The following PRKN variants were observed in gnomAD, a reference collection of about 807,000 sequenced individuals.
PRKN encodes parkin RBR E3 ubiquitin protein ligase, also known as E3 ubiquitin-protein ligase parkin.
PRKN carries 56 observed loss-of-function variants against 59.5 expected under a neutral mutation model. That is an observed-to-expected ratio of 0.94 (90% CI 0.76 to 1.18). PRKN has a LOEUF of 1.18. PRKN is among the 50% of genes most tolerant of loss of function. PRKN has a pLI of 0.00. For synonymous variants in PRKN, 250 were observed against 222.1 expected (o/e 1.13, Z -1.12); for missense variants, 657 against 596.4 (o/e 1.10, Z -1.06).
Position 161,483,714 on chromosome 6 carries a change from G to C in PRKN, c.1083+65140C>G, listed in dbSNP as rs186503898. Reference sequence around the variant, plus strand: ...CTTCTACTTATTTCTTAAGGCATGGGAGTGGCATAGTGAGATCCTGGCAGG... The same window carrying C: ...CTTCTACTTATTTCTTAAGGCATGGCAGTGGCATAGTGAGATCCTGGCAGG... On this transcript the variant is annotated intron_variant, in intron 9 of 11. Coordinates refer to ENST00000366898, the MANE Select transcript of PRKN (RefSeq NM_004562.3). The surrounding 1 kb of genome is among the most constrained non-coding windows in gnomAD (Gnocchi z 5.0). Among the ~76,000 whole-genome samples the C allele has an allele frequency of 2.6e-5, 4 of 152,294 alleles. No individual in the cohort carries two copies. The East Asian group carries it at 5.8e-4, about 22-fold the overall frequency.
intron 7 of PRKN, among the ~76,000 whole-genome samples, chr6:161,766,156 TA>T (rs990369261): frequency 2.0e-5 from 3 of 152,174 alleles, no homozygotes; most frequent in African/African-American, 7.2e-5. Context: ...CAAAAATATA[TA>T]GTATTAAGAA....
chr6:161,442,776 G>T lies in PRKN; in HGVS notation c.1084-55899C>A, dbSNP rs1004974990. Among the ~76,000 whole-genome samples, 2 of 152,358 alleles carry T rather than the reference G, an allele frequency of 1.3e-5. No homozygotes were observed. Among genetic ancestry groups the T allele is most frequent in the East Asian group, 3.9e-4 (2 of 5,184 alleles). ...CGTGGAGACGAACAGCTTACCGAGA[G>T]CCTCTGCCAGGAAGCAAAAGAGAGG... is the stretch of plus-strand genomic sequence containing the variant. On this transcript the variant is annotated intron_variant, in intron 9 of 11. Coordinates refer to ENST00000366898, the MANE Select transcript of PRKN (RefSeq NM_004562.3). The surrounding 1 kb of genome is among the most constrained non-coding windows in gnomAD (Gnocchi z 4.6).
chr6:162,709,142 C>G (rs1778437617), intron 1 of PRKN, among the ~76,000 whole-genome samples: 1 of 151,996 alleles, frequency 6.6e-6, no homozygotes, highest in Admixed American at 6.6e-5. Context: ...ACTCAGGGGC[C>G]CCACTGATTC....
At chr6:161,912,525 C>T (rs1778403013) in intron 6 of PRKN, among the ~76,000 whole-genome samples, 2 of 151,826 alleles carry the variant, frequency 1.3e-5, no homozygotes, top group African/African-American at 4.8e-5. Context: ...TGCATTTGCA[C>T]TCCTGGACAC....
intron 4 of PRKN, among the ~76,000 whole-genome samples, chr6:162,119,691 C>T (rs1215335179): frequency 6.6e-6 from 1 of 152,120 alleles, no homozygotes; most frequent in Non-Finnish European, 1.5e-5. Context: ...TCTAAGGAGC[C>T]AGTGGCAAGC....
rs114523791 is a variant in PRKN at position 161,979,283 on chromosome 6, A to G, written c.619-5866T>C. Among the ~76,000 whole-genome samples, 626 of 151,960 alleles carry G rather than the reference A, an allele frequency of 4.1e-3. 7 individuals carry two copies. Among genetic ancestry groups the G allele is most frequent in the African/African-American group, 0.015 (611 of 41,460 alleles). The stretch of plus-strand genomic sequence containing the variant: ...GCCATAAGCGTTTTCAACTTTATTT[A>G]TTTTTTTGAGACACGGTCTCCCCCT... On this transcript the variant is annotated intron_variant, in intron 5 of 11. Coordinates refer to ENST00000366898, the MANE Select transcript of PRKN (RefSeq NM_004562.3).
chr6:161,743,212 CCT>C (rs1788261993), intron 7 of PRKN, among the ~76,000 whole-genome samples: 1 of 105,390 alleles, frequency 9.5e-6, no homozygotes, highest in African/African-American at 3.3e-5. Flanking sequence ...CTGGTTTCTA[CCT>C]TTTTTTTTTT....
intron 9 of PRKN, among the ~76,000 whole-genome samples, chr6:161,465,038 C>T (rs1364955651): frequency 2.0e-5 from 3 of 152,204 alleles, no homozygotes; most frequent in African/African-American, 7.2e-5. Flanking sequence ...TCCAGGTGAG[C>T]TGCAGAGGTT....
intron 1 of PRKN, among the ~76,000 whole-genome samples, chr6:162,676,975 C>T (rs1427363586): frequency 1.3e-5 from 2 of 150,232 alleles, no homozygotes; most frequent in East Asian, 2.0e-4. Context: ...GCAGAAGAAT[C>T]GCTTGAACCC....
intron 9 of PRKN, among the ~76,000 whole-genome samples, chr6:161,509,854 T>C (rs1441044735): frequency 8.1e-6 from 1 of 123,620 alleles, no homozygotes; most frequent in Admixed American, 1.1e-4. Flanking sequence ...TACTCCAGCC[T>C]GGGTGACAGA....
chr6:162,719,367 C>T (rs959242203), intron 1 of PRKN, among the ~76,000 whole-genome samples: 5 of 152,036 alleles, frequency 3.3e-5, no homozygotes, highest in Admixed American at 1.3e-4. Context: ...TGGGAACTCA[C>T]CAGAGAGCTA....
intron 2 of PRKN, among the ~76,000 whole-genome samples, chr6:162,390,050 A>G (rs1481018268): frequency 1.3e-5 from 2 of 152,148 alleles, no homozygotes; most frequent in African/African-American, 4.8e-5. Flanking sequence ...TAGCAATGCT[A>G]TCATTAACCT....
chr6:162,109,081 A>G (rs1354938133), intron 4 of PRKN, among the ~76,000 whole-genome samples: 1 of 152,156 alleles, frequency 6.6e-6, no homozygotes, highest in Non-Finnish European at 1.5e-5. Flanking sequence ...AAATTTCTAG[A>G]AAAGGGTCAC....
At chr6:162,184,048 TCTGA>T (rs570164396) in intron 4 of PRKN, among the ~76,000 whole-genome samples, 346 of 152,296 alleles carry the variant, frequency 2.3e-3, no homozygotes, top group African/African-American at 8.0e-3. Flanking sequence ...TGGCTGATAA[TCTGA>T]CTATTTAATT....
chr6:161,658,086 A>C (rs1202696412), intron 7 of PRKN, among the ~76,000 whole-genome samples: 1 of 151,946 alleles, frequency 6.6e-6, no homozygotes, highest in East Asian at 1.9e-4. Context: ...ACATTTTAAA[A>C]GGATGTCACA....
intron 7 of PRKN, among the ~76,000 whole-genome samples, chr6:161,766,501 G>T (rs947887044): frequency 6.6e-6 from 1 of 151,952 alleles, no homozygotes; most frequent in African/African-American, 2.4e-5. Context: ...GTAGAGACGG[G>T]GTTTCACCAT....
intron 7 of PRKN, among the ~76,000 whole-genome samples, chr6:161,680,754 TATATA>T (rs1785304185): frequency 1.1e-3 from 26 of 23,328 alleles, no homozygotes; most frequent in African/African-American, 3.3e-3. Context: ...TATATATATA[TATATA>T]TATATATATA....
chr6:161,549,120 GTGT>G lies in PRKN; in HGVS notation c.934-120_934-118del. ...AACCAGTTTCAGTAAAATAATGCAT[GTGT>G]GTGTGTGTGTGTGTGTGTAGGGGGA... On this transcript the variant is annotated intron_variant, in intron 8 of 11. Transcript: ENST00000366898. The surrounding 1 kb of genome is among the most constrained non-coding windows in gnomAD (Gnocchi z 6.0). The G allele has an allele frequency of 9.2e-6, 1 of 108,110 alleles. No individual in the cohort carries two copies. The highest frequency in any genetic ancestry group is 1.8e-5 in the Non-Finnish European group (1 of 54,252). 6.7% of individuals were successfully genotyped at this position (108,110 alleles called of 1,614,324 possible).
At chr6:161,763,098 T>C (rs1465247830) in intron 7 of PRKN, among the ~76,000 whole-genome samples, 1 of 152,320 alleles carries the variant, frequency 6.6e-6, no homozygotes, top group South Asian at 2.1e-4. Context: ...TTGTATTACC[T>C]ATAGCATAGA....
Sources: gnomAD v4.1 joint callset for allele counts (sites outside exome capture counted in the v4.1 genomes callset) on GRCh38, gnomAD v4.1.1 for gene constraint, Gnocchi (gnomAD v3.1) non-coding constraint, MANE v1.5 for transcripts, NCBI Gene and HGNC (gene_info 2026-07-23, HGNC 2026-07-21) for gene names.